Variants in TSNARE1 observed in about 807,000 individuals in gnomAD.
TSNARE1 encodes the protein t-SNARE domain containing 1.
A neutral mutation model predicts 62.0 loss-of-function variants in TSNARE1; 49 were observed. That is an observed-to-expected ratio of 0.79 (90% confidence interval 0.63 to 1.00). The LOEUF (loss-of-function observed/expected upper bound fraction) is 1.00, where lower values mean the gene tolerates loss of function less well. Among genes scored for constraint, TSNARE1 ranks in the 50% least tolerant of loss-of-function variants. The probability of loss-of-function intolerance (pLI) is 0.00; values close to 1 mark genes in which losing one functional copy is unlikely to be tolerated. For synonymous variants in TSNARE1, 328 were observed against 294.4 expected (o/e 1.11, Z -1.17); for missense variants, 755 against 700.1 (o/e 1.08, Z -0.88).
chr8:142,398,931 C>A (rs969963498), intron 1 of TSNARE1, among the ~76,000 whole-genome samples: 2 of 152,192 alleles, frequency 1.3e-5, no homozygotes, highest in Admixed American at 6.5e-5. Flanking sequence ...CCTTCACCCC[C>A]ATCCCAGACT....
intron 13 of TSNARE1, among the ~76,000 whole-genome samples, chr8:142,223,900 G>T (rs1278163912): frequency 1.5e-5 from 2 of 129,776 alleles, no homozygotes; most frequent in Non-Finnish European, 3.5e-5. Flanking sequence ...TTCTGCAACA[G>T]CCACATCTGA....
intron 11 of TSNARE1, chr8:142,278,878 A>G (rs1157023129): frequency 2.3e-6 from 2 of 874,562 alleles, no homozygotes; most frequent in Non-Finnish European, 2.7e-6. Flanking sequence ...GGGGCGGGGA[A>G]GAGTCAAGCT....
intron 12 of TSNARE1, chr8:142,274,137 G>A: frequency 1.0e-6 from 1 of 985,396 alleles, no homozygotes. Flanking sequence ...ACAGGCTCTG[G>A]TCATCTCTGC....
intron 12 of TSNARE1, among the ~76,000 whole-genome samples, chr8:142,243,706 T>A (rs1335950298): frequency 6.6e-6 from 1 of 152,174 alleles, no homozygotes; most frequent in Non-Finnish European, 1.5e-5. Context: ...CTCTAGTGAA[T>A]AATAATGTAT....
chr8:142,311,806 T>C (rs573141009), intron 9 of TSNARE1, among the ~76,000 whole-genome samples: 6 of 152,348 alleles, frequency 3.9e-5, no homozygotes, highest in African/African-American at 1.2e-4. Context: ...AGTTTTCTTA[T>C]ACCCAGCCTT....
intron 11 of TSNARE1, chr8:142,276,915 C>T (rs913463403): frequency 3.0e-6 from 3 of 985,352 alleles, no homozygotes; most frequent in Non-Finnish European, 3.6e-6. Flanking sequence ...TCTCCCTCAG[C>T]GCCCAGGCTG....
intron 12 of TSNARE1, among the ~76,000 whole-genome samples, chr8:142,260,392 G>A (rs532104009): frequency 1.9e-4 from 29 of 152,270 alleles, no homozygotes; most frequent in Middle Eastern, 3.4e-3. Flanking sequence ...CACTGGGGCC[G>A]GGTCTGGCAG....
intron 1 of TSNARE1, among the ~76,000 whole-genome samples, chr8:142,390,117 C>A (rs1476326190): frequency 1.3e-5 from 2 of 152,224 alleles, no homozygotes; most frequent in Non-Finnish European, 2.9e-5. Context: ...TTAAATGATA[C>A]AACTGTATAG....
At chr8:142,236,432 C>T (rs1191276733) in intron 12 of TSNARE1, among the ~76,000 whole-genome samples, 1 of 151,964 alleles carries the variant, frequency 6.6e-6, no homozygotes, top group African/African-American at 2.4e-5. Flanking sequence ...CTCCTTCCTG[C>T]ACCAAGTATC....
At chr8:142,275,291 T>C (rs888313583) in intron 11 of TSNARE1, 5 of 985,314 alleles carry the variant, frequency 5.1e-6, no homozygotes, top group Admixed American at 1.2e-4. Flanking sequence ...ACGCGGCTGA[T>C]GGAGACCGGG....
intron 13 of TSNARE1, among the ~76,000 whole-genome samples, chr8:142,223,129 TTCACTCATTCAC>T (rs1816530334): frequency 4.7e-5 from 3 of 63,560 alleles, no homozygotes; most frequent in Admixed American, 1.6e-4. Flanking sequence ...CATTCACTCA[TTCACTCATTCAC>T]TCATCCACTC....
intron 1 of TSNARE1, among the ~76,000 whole-genome samples, chr8:142,399,468 G>A (rs1418965523): frequency 6.6e-6 from 1 of 152,214 alleles, no homozygotes; most frequent in Non-Finnish European, 1.5e-5. Flanking sequence ...GTGGGGGCAG[G>A]AGGAATGATG....
chr8:142,368,575 G>C (rs981633449), intron 1 of TSNARE1, among the ~76,000 whole-genome samples: 1 of 152,204 alleles, frequency 6.6e-6, no homozygotes, highest in Non-Finnish European at 1.5e-5. Flanking sequence ...GCAGAGAAAG[G>C]ACGGGAGACC....
intron 4 of TSNARE1, among the ~76,000 whole-genome samples, chr8:142,332,513 G>A (rs768324452): frequency 5.9e-5 from 9 of 152,168 alleles, no homozygotes; most frequent in Non-Finnish European, 1.2e-4. Flanking sequence ...AACAGACACT[G>A]AGCTATATGC....
At chr8:142,356,992 T>C (rs894050312) in intron 1 of TSNARE1, among the ~76,000 whole-genome samples, 3 of 150,544 alleles carry the variant, frequency 2.0e-5, no homozygotes, top group Admixed American at 1.3e-4. Flanking sequence ...GAAGCCAACA[T>C]TGGGAGCAGC....
At chr8:142,222,166 C>CCACT (rs1229075076) in intron 13 of TSNARE1, among the ~76,000 whole-genome samples, 1 of 11,252 alleles carries the variant, frequency 8.9e-5, no homozygotes, top group African/African-American at 3.9e-4. Flanking sequence ...ATCCACTCAT[C>CCACT]CACTCACTCA....
At chr8:142,332,795 G>A (rs1431817424) in intron 4 of TSNARE1, among the ~76,000 whole-genome samples, 1 of 152,142 alleles carries the variant, frequency 6.6e-6, no homozygotes, top group East Asian at 1.9e-4. Flanking sequence ...CTCGCTGCCT[G>A]CCCGCCCTCC....
At chr8:142,311,416 G>C (rs1329547683) in intron 9 of TSNARE1, among the ~76,000 whole-genome samples, 5 of 149,544 alleles carry the variant, frequency 3.3e-5, no homozygotes, top group Non-Finnish European at 1.5e-5. Context: ...TCCTGCTTCA[G>C]CCTCCCGAGT....
chr8:142,386,835 G>A (rs1381143791), intron 1 of TSNARE1, among the ~76,000 whole-genome samples: 1 of 152,166 alleles, frequency 6.6e-6, no homozygotes. Flanking sequence ...GAGCCACAAG[G>A]AGAAACAGAC....
Sources: allele counts gnomAD v4.1 joint callset (sites outside exome capture counted in the v4.1 genomes callset), GRCh38; gene constraint gnomAD v4.1.1; transcripts MANE v1.5; gene names NCBI Gene and HGNC (gene_info 2026-07-23, HGNC 2026-07-21).